Variants in TRHDE observed in about 807,000 individuals in gnomAD.
The protein encoded by TRHDE is thyrotropin releasing hormone degrading enzyme.
A neutral mutation model predicts 125.7 loss-of-function variants in TRHDE; 72 were observed. The observed-to-expected ratio is 0.57, with a 90% CI of 0.47 to 0.70. The LOEUF (loss-of-function observed/expected upper bound fraction) is 0.70, where lower values mean the gene tolerates loss of function less well. TRHDE is among the 30% of genes least tolerant of loss of function. TRHDE has a pLI of 0.00. For synonymous variants in TRHDE, 509 were observed against 509.1 expected (o/e 1.00, Z 0.00); for missense variants, 1,110 against 1,327.1 (o/e 0.84, Z 2.54).
intron 2 of TRHDE, among the ~76,000 whole-genome samples, chr12:72,151,834 C>T (rs1178755847): frequency 6.6e-6 from 1 of 152,174 alleles, no homozygotes; most frequent in Admixed American, 6.5e-5. Flanking sequence ...TAGCATGATG[C>T]CTCCAGCTTT....
chr12:72,254,046 T>A (rs1302813646), intron 2 of TRHDE: 1 of 152,142 alleles, frequency 6.6e-6, no homozygotes, highest in Non-Finnish European at 1.5e-5. Flanking sequence ...AAAGGATACA[T>A]GTATGTTGCA....
intron 12 of TRHDE, among the ~76,000 whole-genome samples, chr12:72,588,391 G>A (rs1871530005): frequency 6.6e-6 from 1 of 152,214 alleles, no homozygotes; most frequent in South Asian, 2.1e-4. Context: ...CCCTGAGGGA[G>A]CATGTGCTTG....
chr12:72,203,143 T>G (rs376071458), intron 2 of TRHDE, among the ~76,000 whole-genome samples: 9 of 149,590 alleles, frequency 6.0e-5, no homozygotes, highest in East Asian at 2.0e-4. Context: ...GAAAGAGAGA[T>G]AGAGAGAGAG....
intron 5 of TRHDE, among the ~76,000 whole-genome samples, chr12:72,495,166 A>C (rs1877861601): frequency 1.3e-5 from 2 of 149,204 alleles, no homozygotes; most frequent in African/African-American, 5.0e-5. Flanking sequence ...CCAAGGCATC[A>C]AAGTATCAAC....
At chr12:72,589,610 A>G (rs531031409) in intron 12 of TRHDE, among the ~76,000 whole-genome samples, 1 of 152,312 alleles carries the variant, frequency 6.6e-6, no homozygotes, top group South Asian at 2.1e-4. Flanking sequence ...TCATTGGTAT[A>G]GAGCTGTTCA....
intron 6 of TRHDE, among the ~76,000 whole-genome samples, chr12:72,518,921 A>G (rs1313093172): frequency 6.6e-6 from 1 of 151,846 alleles, no homozygotes; most frequent in Non-Finnish European, 1.5e-5. Flanking sequence ...GTTTGGCTGG[A>G]TATGAAATTC....
chr12:72,288,245 G>A (rs988612353), intron 2 of TRHDE, among the ~76,000 whole-genome samples: 1 of 152,102 alleles, frequency 6.6e-6, no homozygotes, highest in Admixed American at 6.6e-5. Context: ...GTAGGAAGTT[G>A]ATAGCTCTAA....
chr12:72,199,310 C>T (rs1877508405), intron 2 of TRHDE, among the ~76,000 whole-genome samples: 1 of 152,060 alleles, frequency 6.6e-6, no homozygotes, highest in African/African-American at 2.4e-5. Context: ...TCACTGGACA[C>T]AACAGAGGTA....
At chr12:72,171,203 G>A (rs185774610) in intron 2 of TRHDE, among the ~76,000 whole-genome samples, 131 of 152,046 alleles carry the variant, frequency 8.6e-4, no homozygotes, top group Non-Finnish European at 1.7e-3. Context: ...GAAAATTAGG[G>A]ATTTAGGGAA....
chr12:72,397,922 C>T (rs1026343403), intron 3 of TRHDE, among the ~76,000 whole-genome samples: 25 of 151,398 alleles, frequency 1.7e-4, no homozygotes, highest in Admixed American at 6.6e-4. Flanking sequence ...CATGCTGGTG[C>T]GCTGCACCCA....
upstream of TRHDE, among the ~76,000 whole-genome samples, chr12:72,269,309 A>G (rs996963120): frequency 3.3e-5 from 5 of 152,290 alleles, no homozygotes; most frequent in East Asian, 3.9e-4. Flanking sequence ...TGATCTTGAT[A>G]GTAAGTTTTA....
At chr12:72,280,667 C>T (rs979408868) in intron 1 of TRHDE, among the ~76,000 whole-genome samples, 1 of 152,084 alleles carries the variant, frequency 6.6e-6, no homozygotes, top group African/African-American at 2.4e-5. Flanking sequence ...CTGAGGGAAA[C>T]AAGAGAAACA....
intron 3 of TRHDE, among the ~76,000 whole-genome samples, chr12:72,463,260 T>C (rs2135888231): frequency 6.6e-6 from 1 of 152,314 alleles, no homozygotes. Flanking sequence ...TTAAAACTCT[T>C]GTCTTCCAGA....
In TRHDE at chr12:72,273,607, G is replaced by C; in HGVS notation, c.914+50G>C. On this transcript the variant is annotated intron_variant, in intron 1 of 18. Transcript: ENST00000261180. The surrounding 1 kb of genome is among the most constrained non-coding windows in gnomAD (Gnocchi z 5.3). Reference sequence around the variant, plus strand: ...GCTGCCCCACCCCGGCGCGCGGCTCGAACCTCTGGGCGGCCTGCGACCCCG... The same window carrying C: ...GCTGCCCCACCCCGGCGCGCGGCTCCAACCTCTGGGCGGCCTGCGACCCCG... 6 of 1,522,200 alleles carry C rather than the reference G, an allele frequency of 3.9e-6. No individual in the cohort carries two copies. Among genetic ancestry groups the C allele is most frequent in the Non-Finnish European group, 5.3e-6 (6 of 1,132,464 alleles). 94.3% of individuals were successfully genotyped at this position (1,522,200 alleles called of 1,614,324 possible).
Position 72,273,103 on chromosome 12 carries a change from C to G in TRHDE, c.460C>G (p.Pro154Ala). Residue 154 changes from proline to alanine, a missense_variant, in exon 1 of 19, where the codon CCC (proline) becomes GCC (alanine). Physicochemically the swap from Pro to Ala is conservative, Grantham distance 27. Coordinates refer to ENST00000261180, the MANE Select transcript of TRHDE (RefSeq NM_013381.3). This position sits in a 1 kb window ranked among gnomAD's most constrained non-coding sequence, Gnocchi z 5.3. ...CCACGCAGGCGGGGACTCCTGGCAGCCCGAGGCGGGTGGGGTGGCCAGTCC... is the reference window on the plus strand; with the variant it reads ...CCACGCAGGCGGGGACTCCTGGCAGGCCGAGGCGGGTGGGGTGGCCAGTCC... The part of the protein sequence containing the change: ...NHHAGGDSWQ[P>A]EAGGVASPGT... The G allele has an allele frequency of 6.6e-7, 1 of 1,522,780 alleles. No homozygotes were observed. The highest frequency in any genetic ancestry group is 8.8e-7 in the Non-Finnish European group (1 of 1,136,104). 94.3% of individuals were successfully genotyped at this position (1,522,780 alleles called of 1,614,324 possible). A position where few individuals can be genotyped will look rare whatever the true frequency, so the allele number is the denominator to read the frequency against.
intron 3 of TRHDE, among the ~76,000 whole-genome samples, chr12:72,414,485 A>G (rs868131916): frequency 1.1e-4 from 17 of 152,158 alleles, no homozygotes; most frequent in African/African-American, 3.4e-4. Flanking sequence ...GTTTTAAACA[A>G]TGAATTGAAA....
chr12:72,507,967 G>A (rs945588991), intron 6 of TRHDE, among the ~76,000 whole-genome samples: 43 of 152,342 alleles, frequency 2.8e-4, no homozygotes, highest in Non-Finnish European at 5.0e-4. Flanking sequence ...TAGCTTCAGA[G>A]GGTGTAAGCC....
intron 2 of TRHDE, among the ~76,000 whole-genome samples, chr12:72,265,395 G>A (rs778930732): frequency 2.0e-5 from 3 of 151,864 alleles, no homozygotes; most frequent in Non-Finnish European, 4.4e-5. Flanking sequence ...CATGTACAGA[G>A]AGAGAAAAAA....
chr12:72,087,734 T>C (rs914307829), intron 1 of TRHDE, among the ~76,000 whole-genome samples: 2 of 152,070 alleles, frequency 1.3e-5, no homozygotes, highest in Non-Finnish European at 2.9e-5. Flanking sequence ...TTGGAACAAC[T>C]GCTCAGGGAA....
Sources: gnomAD v4.1 joint callset for allele counts (sites outside exome capture counted in the v4.1 genomes callset) on GRCh38, gnomAD v4.1.1 for gene constraint, Gnocchi (gnomAD v3.1) non-coding constraint, MANE v1.5 for transcripts, NCBI Gene and HGNC (gene_info 2026-07-23, HGNC 2026-07-21) for gene names.